The following CRISP2 variants were observed in gnomAD, a reference collection of about 807,000 sequenced individuals.
CRISP2 encodes cysteine rich secretory protein 2.
A neutral mutation model predicts 31.7 loss-of-function variants in CRISP2; 29 were observed. The ratio of observed to expected loss-of-function variants is 0.92; its 90% CI spans 0.68 to 1.25. The LOEUF (loss-of-function observed/expected upper bound fraction) is 1.25. CRISP2 is among the 50% of genes most tolerant of loss of function. CRISP2 has a pLI of 0.00. For synonymous variants in CRISP2, 111 were observed against 101.4 expected, an observed-to-expected ratio of 1.09 and a Z score of -0.57; for missense variants, 318 against 286.5, an observed-to-expected ratio of 1.11 and a Z score of -0.79.
intron 4 of CRISP2, among the ~76,000 whole-genome samples, chr6:49,701,925 A>G: frequency 9.1e-5 from 1 of 10,984 alleles, no homozygotes; most frequent in Non-Finnish European, 1.3e-4. Flanking sequence ...ATTATATTAT[A>G]TATAATATAT....
chr6:49,692,946 A>G, intron 9 of CRISP2, 46 bp from the exon 10 acceptor site: 2 of 1,604,236 alleles, frequency 1.2e-6, no homozygotes, highest in Non-Finnish European at 1.7e-6. Context: ...TTTCCTCAGT[A>G]AGAGCAAAAC....
chr6:49,684,037 C>A, the CRISP2 span, among the ~76,000 whole-genome samples: 2 of 151,806 alleles, frequency 1.3e-5, no homozygotes, highest in South Asian at 2.1e-4. Flanking sequence ...TTTGATGTTC[C>A]TTGGCTGATT....
rs1198037687 is a variant in CRISP2, at chr6:49,692,848, A to C, written c.657T>G (p.Asn219Lys). The C allele has an allele frequency of 6.2e-7, 1 of 1,613,844 alleles. No homozygotes were observed. Among genetic ancestry groups the C allele is most frequent in the Non-Finnish European group, 8.5e-7 (1 of 1,179,762 alleles). The change falls in exon 10 of 10, where the codon AAT (asparagine) becomes AAG (lysine). Residue 219 changes from asparagine to lysine, a missense_variant. Physicochemically the swap from Asn to Lys is moderately conservative, Grantham distance 94 (BLOSUM62 0). Transcript: ENST00000339139. ...GTAACTCATGTTCACAGCCAGCTGT[A>C]TTCTTCAAGGAATCACAGTTACTTA... is the stretch of plus-strand genomic sequence containing the variant. Reference protein sequence around the residue: ...DLLSNCDSLKNTAGCEHELLK... With the variant: ...DLLSNCDSLKKTAGCEHELLK...
At chr6:49,706,102 C>T (rs61273820) in intron 4 of CRISP2, among the ~76,000 whole-genome samples, 4,141 of 152,268 alleles carry the variant, frequency 0.027, 194 homozygotes, top group African/African-American at 0.094. Flanking sequence ...TTTGTATAGA[C>T]ATATGAATAA....
At chr6:49,687,221 C>T in the CRISP2 span, among the ~76,000 whole-genome samples, 5 of 152,248 alleles carry the variant, frequency 3.3e-5, no homozygotes, top group Admixed American at 2.6e-4. Flanking sequence ...ATTATCAGTA[C>T]TGTCTATAAG....
At chr6:49,682,614 T>G in the CRISP2 span, among the ~76,000 whole-genome samples, 1 of 69,072 alleles carries the variant, frequency 1.4e-5, no homozygotes, top group African/African-American at 9.2e-5. Context: ...TTTCTTTCTT[T>G]CTTTCTTTCT....
chr6:49,697,350 TG>T (rs1186856118), intron 8 of CRISP2, among the ~76,000 whole-genome samples: 1 of 152,070 alleles, frequency 6.6e-6, no homozygotes, highest in Non-Finnish European at 1.5e-5. Context: ...AAAGATGTCC[TG>T]AAAAGCCATT....
chr6:49,682,645 TC>T, the CRISP2 span, among the ~76,000 whole-genome samples: 3 of 58,522 alleles, frequency 5.1e-5, no homozygotes, highest in East Asian at 2.6e-3. Context: ...CTTTCTTTCT[TC>T]TTTCTTTCTT....
rs772671444 is a variant in CRISP2, at chr6:49,692,733, C to G, written c.*40G>C. 6.4e-7 allele frequency: 1 copy of G among 1,573,504 alleles called. No homozygotes were observed. Among genetic ancestry groups the G allele is most frequent in the Admixed American group, 1.7e-5 (1 of 58,378 alleles). On this transcript the variant is annotated 3_prime_UTR_variant, in exon 10 of 10. Transcript: ENST00000339139. ...GGTATGTCGCAATTAAATGATGCAG[C>G]CCTTATCCATGCAGTCTTGCACAAT...
chr6:49,695,741 C>G (rs1392446644), intron 9 of CRISP2, 95 bp downstream of exon 9: 1 of 1,028,896 alleles, frequency 9.7e-7, no homozygotes, highest in African/African-American at 1.7e-5. Flanking sequence ...TACATTATTT[C>G]AATTCATTAC....
At chr6:49,705,189 A>G (rs952529381) in intron 4 of CRISP2, among the ~76,000 whole-genome samples, 4 of 152,046 alleles carry the variant, frequency 2.6e-5, no homozygotes, top group Non-Finnish European at 4.4e-5. Context: ...TACTGCAGCC[A>G]CTGTGCAAGA....
chr6:49,707,478 A>G (rs900537180), intron 4 of CRISP2, among the ~76,000 whole-genome samples: 5 of 152,144 alleles, frequency 3.3e-5, no homozygotes, highest in African/African-American at 1.2e-4. Context: ...ACAAAATGAC[A>G]TCTCACTTTT....
chr6:49,681,242 G>T, the CRISP2 span, among the ~76,000 whole-genome samples: 29 of 152,134 alleles, frequency 1.9e-4, no homozygotes, highest in African/African-American at 6.5e-4. Flanking sequence ...ACCATTTATT[G>T]AATAGGGAGT....
At chr6:49,680,035 G>C in the CRISP2 span, among the ~76,000 whole-genome samples, 1 of 152,108 alleles carries the variant, frequency 6.6e-6, no homozygotes, top group Non-Finnish European at 1.5e-5. Context: ...GGGTATATGT[G>C]CAGGTTTGTT....
At chr6:49,693,923 G>C (rs1195905834) in intron 9 of CRISP2, among the ~76,000 whole-genome samples, 2 of 151,956 alleles carry the variant, frequency 1.3e-5, no homozygotes, top group Non-Finnish European at 1.5e-5. Context: ...TCCATCTTTC[G>C]AGGGCTGGTC....
intron 6 of CRISP2, 131 bp downstream of exon 6, chr6:49,699,673 C>G: frequency 1.6e-6 from 1 of 645,014 alleles, no homozygotes; most frequent in Non-Finnish European, 2.7e-6. Flanking sequence ...TATACAGATA[C>G]TTTGACTTCA....
chr6:49,693,003 T>A, intron 9 of CRISP2, 103 bp from the exon 10 acceptor site: 1 of 1,158,408 alleles, frequency 8.6e-7, no homozygotes, highest in Non-Finnish European at 1.3e-6. Flanking sequence ...AACAAACAAG[T>A]TAGCATCGCT....
intron 9 of CRISP2, among the ~76,000 whole-genome samples, chr6:49,693,272 G>C (rs1764206825): frequency 6.6e-6 from 1 of 152,050 alleles, no homozygotes; most frequent in Non-Finnish European, 1.5e-5. Context: ...CCAAATATGG[G>C]AGCCATTAGC....
At chr6:49,712,722 T>C (rs764096224) in intron 1 of CRISP2, 118 bp from the exon 2 acceptor site, 2 of 152,218 alleles carry the variant, frequency 1.3e-5, no homozygotes, top group Non-Finnish European at 2.9e-5. Flanking sequence ...TTGTTTCTAA[T>C]AATTTACTGT....
Sources: allele counts gnomAD v4.1 joint callset (sites outside exome capture counted in the v4.1 genomes callset), GRCh38; gene constraint gnomAD v4.1.1; transcripts MANE v1.5; gene names NCBI Gene and HGNC (gene_info 2026-07-23, HGNC 2026-07-21).